IFI27: variants seen among roughly 807,000 people sequenced by gnomAD.
The protein encoded by IFI27 is interferon alpha inducible protein 27.
In IFI27, 3 loss-of-function variants were observed where a neutral mutation model predicts 8.9. The observed-to-expected ratio is 0.34, with a 90% CI of 0.15 to 0.87. The LOEUF (loss-of-function observed/expected upper bound fraction) is 0.87. Among genes scored for constraint, IFI27 ranks in the 40% least tolerant of loss-of-function variants. IFI27 has a pLI of 0.51. For synonymous variants in IFI27, 66 were observed against 67.3 expected, an observed-to-expected ratio of 0.98 and a Z score of 0.09; for missense variants, 152 against 157.7, an observed-to-expected ratio of 0.96 and a Z score of 0.19.
At chr14:94,115,470 C>G (rs1006661982) in intron 3 of IFI27, 5 of 609,176 alleles carry the variant, frequency 8.2e-6, no homozygotes, top group African/African-American at 7.3e-5. Context: ...GCCAACCACT[C>G]CCCTGGTCCA....
upstream of IFI27, among the ~76,000 whole-genome samples, chr14:94,110,378 C>T (rs1887131189): frequency 6.6e-6 from 1 of 152,170 alleles, no homozygotes. Flanking sequence ...GGAACATCTG[C>T]CTATCGCAAG....
upstream of IFI27, chr14:94,110,545 A>C (rs1887138477): frequency 6.6e-6 from 1 of 152,232 alleles, no homozygotes; most frequent in African/African-American, 2.4e-5. Context: ...ACTGACAATG[A>C]CTGATGCCAT....
At chr14:94,112,033 G>A (rs545942791) in intron 2 of IFI27, 40 of 575,448 alleles carry the variant, frequency 7.0e-5, no homozygotes, top group African/African-American at 4.1e-4. Context: ...CTGCCTAGCC[G>A]GAAAGGGTCT....
chr14:94,112,314 C>G (rs1887223703), intron 2 of IFI27: 1 of 158,322 alleles, frequency 6.3e-6, no homozygotes, highest in Non-Finnish European at 1.4e-5. Context: ...TAATGTGTGT[C>G]TGTTTTTCAT....
At chr14:94,113,522 T>A (rs1887271187) in intron 2 of IFI27, 1 of 151,900 alleles carries the variant, frequency 6.6e-6, no homozygotes, top group South Asian at 2.1e-4. Flanking sequence ...GAAAGAAATA[T>A]TAATAGAAGT....
upstream of IFI27, among the ~76,000 whole-genome samples, chr14:94,108,848 T>C (rs1887051925): frequency 6.6e-6 from 1 of 151,978 alleles, no homozygotes; most frequent in South Asian, 2.1e-4. Context: ...TCCCACAACA[T>C]AAATATGGAC....
In IFI27 at chr14:94,116,088, AG is replaced by A; in HGVS notation, c.283+147del. On this transcript the variant is annotated intron_variant, in intron 4 of 4. Transcript: ENST00000621160. This position sits in a 1 kb window ranked among gnomAD's most constrained non-coding sequence, Gnocchi z 4.3. ...CATTCTCTCAGGGTTTCTCTGAGGGAGATGGAGGAGGGAGGGAAGGAGCCCA... is the reference window on the plus strand; with the variant it reads ...CATTCTCTCAGGGTTTCTCTGAGGGAATGGAGGAGGGAGGGAAGGAGCCCA... 1 of 961,266 alleles carries A rather than the reference AG, an allele frequency of 1.0e-6. No individual in the cohort carries two copies. Among genetic ancestry groups the A allele is most frequent in the Non-Finnish European group, 1.6e-6 (1 of 621,522 alleles). The allele number at this position is 961,266 out of a possible 1,614,324, so 59.5% of individuals were successfully genotyped here.
chr14:94,115,164 G>A (rs770209863), intron 3 of IFI27, among the ~76,000 whole-genome samples: 1 of 152,234 alleles, frequency 6.6e-6, no homozygotes, highest in Non-Finnish European at 1.5e-5. Context: ...CCCTGAGCAT[G>A]TCTTTGAACT....
intron 1 of IFI27, 77 bp downstream of exon 1, chr14:94,110,874 G>A (rs1887154565): frequency 6.5e-6 from 1 of 154,234 alleles, no homozygotes; most frequent in Non-Finnish European, 1.5e-5. Flanking sequence ...TCAGGGAGCG[G>A]AGGGGAGGCC....
rs1887399658 is a variant in IFI27, at chr14:94,116,129, C to T, written c.283+187C>T. On this transcript the variant is annotated intron_variant, in intron 4 of 4. Coordinates refer to ENST00000621160, the Ensembl canonical transcript of IFI27. This position sits in a 1 kb window ranked among gnomAD's most constrained non-coding sequence, Gnocchi z 4.3. ...GAAGGAGCCCAAGCCAGGAACAGTGCACTCAGGAAGACTCAGCCCGAAGCA... is the reference window on the plus strand; with the variant it reads ...GAAGGAGCCCAAGCCAGGAACAGTGTACTCAGGAAGACTCAGCCCGAAGCA... 1.3e-6 allele frequency: 1 copy of T among 789,768 alleles called. No individual in the cohort carries two copies. Among genetic ancestry groups the T allele is most frequent in the South Asian group, 1.5e-5 (1 of 68,430 alleles). 48.9% of individuals were successfully genotyped at this position (789,768 alleles called of 1,614,324 possible).
rs766475065 is a variant in IFI27 at position 94,116,425 on chromosome 14, C to T, written c.284-17C>T. 15 of 1,590,904 alleles carry T rather than the reference C, an allele frequency of 9.4e-6. No homozygotes were observed. The highest frequency in any genetic ancestry group is 3.3e-4 in the Middle Eastern group (2 of 6,054). On this transcript the variant is annotated splice_polypyrimidine_tract_variant and intron_variant, in intron 4 of 4. Transcript: ENST00000621160. The surrounding 1 kb of genome is among the most constrained non-coding windows in gnomAD (Gnocchi z 4.3). ...GACAGGCATGTCCCACTCTGTCCAC[C>T]CTCTGCTTCTTCCCAGGAGCAACTG...
Position 94,111,613 on chromosome 14 carries a change from T to A in IFI27, c.-58-12T>A. The A allele has an allele frequency of 7.7e-7, 1 of 1,296,708 alleles. No individual in the cohort carries two copies. The highest frequency in any genetic ancestry group is 1.1e-6 in the Non-Finnish European group (1 of 892,464). The allele number at this position is 1,296,708 out of a possible 1,614,324, so 80.3% of individuals were successfully genotyped here. On this transcript the variant is annotated splice_polypyrimidine_tract_variant and intron_variant, in intron 1 of 4. Transcript: ENST00000621160. This position sits in a 1 kb window ranked among gnomAD's most constrained non-coding sequence, Gnocchi z 4.3. ...TGCCCATCCCGTCCTCAGAGCTCCATCCCTTCGGCAGGTCTGGCTGAAGTT... is the reference window on the plus strand; with the variant it reads ...TGCCCATCCCGTCCTCAGAGCTCCAACCCTTCGGCAGGTCTGGCTGAAGTT...
intron 2 of IFI27, 90 bp from the exon 3 acceptor site, chr14:94,114,761 C>G (rs1887323567): frequency 1.4e-6 from 2 of 1,422,502 alleles, no homozygotes; most frequent in Admixed American, 1.7e-5. Context: ...CTGGGGCAGC[C>G]CCCTGCCTCC....
chr14:94,116,110 G>T lies in IFI27; in HGVS notation c.283+168G>T, dbSNP rs1406508661. The T allele has an allele frequency of 4.7e-6, 4 of 856,108 alleles. No individual in the cohort carries two copies. The highest frequency in any genetic ancestry group is 1.7e-5 in the African/African-American group (1 of 60,134). The allele number at this position is 856,108 out of a possible 1,614,324, so 53.0% of individuals were successfully genotyped here. A position where few individuals can be genotyped will look rare whatever the true frequency, so the allele number is the denominator to read the frequency against. Reference sequence around the variant, plus strand: ...GGGAGATGGAGGAGGGAGGGAAGGAGCCCAAGCCAGGAACAGTGCACTCAG... The same window carrying T: ...GGGAGATGGAGGAGGGAGGGAAGGATCCCAAGCCAGGAACAGTGCACTCAG... On this transcript the variant is annotated intron_variant, in intron 4 of 4. Transcript: ENST00000621160. This position sits in a 1 kb window ranked among gnomAD's most constrained non-coding sequence, Gnocchi z 4.3.
At position 94,111,872 on chromosome 14, in the gene IFI27, C is replaced by T; in HGVS notation, c.91+99C>T. On this transcript the variant is annotated intron_variant, in intron 2 of 4. Transcript: ENST00000621160. This position sits in a 1 kb window ranked among gnomAD's most constrained non-coding sequence, Gnocchi z 4.3. ...CCCGTGGGAGAGAAAATGGGGGACA[C>T]CCGCAGCCTTGCTGCCCTGTCCTGT... is the stretch of plus-strand genomic sequence containing the variant. 2.1e-6 allele frequency: 2 copies of T among 932,508 alleles called. No homozygotes were observed. Among genetic ancestry groups the T allele is most frequent in the Non-Finnish European group, 3.5e-6 (2 of 568,756 alleles). The allele number at this position is 932,508 out of a possible 1,614,324, so 57.8% of individuals were successfully genotyped here. A position where few individuals can be genotyped will look rare whatever the true frequency, so the allele number is the denominator to read the frequency against.
chr14:94,116,211 G>A lies in IFI27; in HGVS notation c.284-231G>A, dbSNP rs1410843858. On this transcript the variant is annotated intron_variant, in intron 4 of 4. Transcript: ENST00000621160. This position sits in a 1 kb window ranked among gnomAD's most constrained non-coding sequence, Gnocchi z 4.3. ...CCTCTGGGGTGCAGCCTCCTTCCCT[G>A]AAGAGCGAGGCTGCTTCTAGCTCTG... 7.4e-6 allele frequency: 5 copies of A among 672,198 alleles called. No individual in the cohort carries two copies. The highest frequency in any genetic ancestry group is 3.8e-4 in the Middle Eastern group (1 of 2,656). 41.6% of individuals were successfully genotyped at this position (672,198 alleles called of 1,614,324 possible). A position where few individuals can be genotyped will look rare whatever the true frequency, so the allele number is the denominator to read the frequency against.
Position 94,116,022 on chromosome 14 carries a change from C to A in IFI27, c.283+80C>A. 7.7e-7 allele frequency: 1 copy of A among 1,302,636 alleles called. No individual in the cohort carries two copies. Among genetic ancestry groups the A allele is most frequent in the Non-Finnish European group, 1.1e-6 (1 of 927,274 alleles). The allele number at this position is 1,302,636 out of a possible 1,614,324, so 80.7% of individuals were successfully genotyped here. On this transcript the variant is annotated intron_variant, in intron 4 of 4. Transcript: ENST00000621160. This position sits in a 1 kb window ranked among gnomAD's most constrained non-coding sequence, Gnocchi z 4.3. ...CAAGGACCCAGTCCCAATCTCAACC[C>A]TATGAACCTCAATCTCCCTGTTCCT...
At chr14:94,109,624 C>G (rs1256022199), upstream of IFI27, among the ~76,000 whole-genome samples, 1 of 152,204 alleles carries the variant, frequency 6.6e-6, no homozygotes, top group Non-Finnish European at 1.5e-5. Flanking sequence ...CCCTGTGCTT[C>G]TAGCTGTCCT....
chr14:94,107,810 G>C (rs568371903), upstream of IFI27, among the ~76,000 whole-genome samples: 4 of 152,180 alleles, frequency 2.6e-5, no homozygotes, highest in South Asian at 6.2e-4. Flanking sequence ...GTCGCTGGTT[G>C]TTAAAGGAAC....
Sources: allele counts gnomAD v4.1 joint callset (sites outside exome capture counted in the v4.1 genomes callset), GRCh38; gene constraint gnomAD v4.1.1; non-coding constraint Gnocchi (gnomAD v3.1); transcripts MANE v1.5; gene names NCBI Gene and HGNC (gene_info 2026-07-23, HGNC 2026-07-21).